CHD6: variants seen among roughly 807,000 people sequenced by gnomAD.
The protein encoded by CHD6 is ATP-dependent chromatin remodeler CHD6.
A neutral mutation model predicts 276.9 loss-of-function variants in CHD6; 50 were observed. That is an observed-to-expected ratio of 0.18 (90% CI 0.14 to 0.23). CHD6 has a LOEUF of 0.23. Among genes scored for constraint, CHD6 ranks in the 10% least tolerant of loss-of-function variants. The pLI is 1.00. For synonymous variants in CHD6, 1,173 were observed against 1,229.3 expected (o/e 0.95, Z 0.96); for missense variants, 2,564 against 3,365.8 (o/e 0.76, Z 5.89).
chr20:41,513,375 G>T (rs2044167687), intron 4 of CHD6, among the ~76,000 whole-genome samples: 1 of 152,114 alleles, frequency 6.6e-6, no homozygotes, highest in Non-Finnish European at 1.5e-5. Flanking sequence ...TCCAGCACTT[G>T]GTGGAAGCAC....
chr20:41,506,157 A>G (rs1188729568), intron 5 of CHD6, among the ~76,000 whole-genome samples: 1 of 152,148 alleles, frequency 6.6e-6, no homozygotes, highest in Non-Finnish European at 1.5e-5. Flanking sequence ...TATTCTCAAG[A>G]GTCTCCTAAT....
rs140881898 is a variant in CHD6, at chr20:41,421,717, A to G, written c.4918T>C (p.Tyr1640His). 2.5e-6 allele frequency: 4 copies of G among 1,614,072 alleles called. No homozygotes were observed. Among genetic ancestry groups the G allele is most frequent in the African/African-American group, 2.7e-5 (2 of 74,948 alleles). The change falls in exon 31 of 37, where the codon TAT becomes CAT. Residue 1640 changes from tyrosine (Y) to histidine (H), a missense_variant. Tyr to His is a moderately conservative substitution (Grantham distance 83, BLOSUM62 2). Coordinates refer to ENST00000373233, the MANE Select transcript of CHD6 (RefSeq NM_032221.5). ...CCLYQTNSKL[Y>H]ESLTYSQMSR... ...ATTTGAGAATATGTAAGAGATTCAT[A>G]TAACTTGGAGTTGGTCTGGTAAAGG...
chr20:41,491,463 G>C (rs1323933966), intron 11 of CHD6, among the ~76,000 whole-genome samples: 2 of 150,424 alleles, frequency 1.3e-5, no homozygotes. Flanking sequence ...TGGTGTGGCT[G>C]GCCAAAAAAA....
rs1049684872 is a variant in CHD6, at chr20:41,404,360, A to G, written c.*233T>C. The G allele has an allele frequency of 2.3e-5, 28 of 1,241,678 alleles. No individual in the cohort carries two copies. The Admixed American group carries it at 2.6e-4, about 12-fold the overall frequency. The allele number at this position is 1,241,678 out of a possible 1,614,324, so 76.9% of individuals were successfully genotyped here. On this transcript the variant is annotated 3_prime_UTR_variant, in exon 37 of 37. Coordinates refer to ENST00000373233, the MANE Select transcript of CHD6 (RefSeq NM_032221.5). ...AACTATGATTGCTGGAATGAACTGGATAACAGAATGAGAATTCTGTGCCTC... is the reference window on the plus strand; with the variant it reads ...AACTATGATTGCTGGAATGAACTGGGTAACAGAATGAGAATTCTGTGCCTC...
chr20:41,569,174 T>G (rs79122751), intron 1 of CHD6, among the ~76,000 whole-genome samples: 5 of 152,074 alleles, frequency 3.3e-5, no homozygotes, highest in African/African-American at 1.2e-4. Context: ...TGGCTAGCAA[T>G]AGGATCCTCC....
At chr20:41,453,589 C>T (rs2048305561) in intron 20 of CHD6, among the ~76,000 whole-genome samples, 1 of 152,144 alleles carries the variant, frequency 6.6e-6, no homozygotes, top group African/African-American at 2.4e-5. Context: ...GACTACTCCT[C>T]CACACAGCCC....
intron 1 of CHD6, among the ~76,000 whole-genome samples, chr20:41,556,267 C>T (rs1221993300): frequency 6.1e-5 from 9 of 147,644 alleles, no homozygotes; most frequent in South Asian, 2.2e-4. Context: ...AGAGGGAGAC[C>T]GTGGGGAGAC....
chr20:41,433,577 C>A (rs1461707847), intron 27 of CHD6, among the ~76,000 whole-genome samples: 3 of 152,058 alleles, frequency 2.0e-5, no homozygotes, highest in African/African-American at 7.2e-5. Context: ...AACCGTCTGA[C>A]AGTTCTCTAG....
intron 31 of CHD6, among the ~76,000 whole-genome samples, chr20:41,418,911 A>G (rs556829396): frequency 6.6e-6 from 1 of 152,352 alleles, no homozygotes; most frequent in African/African-American, 2.4e-5. Flanking sequence ...TGACGCTGCC[A>G]TCAAAGGACA....
intron 5 of CHD6, among the ~76,000 whole-genome samples, chr20:41,509,034 T>C (rs990161310): frequency 2.0e-5 from 3 of 152,292 alleles, no homozygotes; most frequent in Admixed American, 1.3e-4. Context: ...GTTCTACCTA[T>C]GCTAAGCAAA....
chr20:41,475,782 T>A (rs978130405), intron 16 of CHD6, among the ~76,000 whole-genome samples: 1 of 152,020 alleles, frequency 6.6e-6, no homozygotes, highest in Non-Finnish European at 1.5e-5. Flanking sequence ...TAGATCAGAG[T>A]GAGGCTGGGA....
At chr20:41,512,789 C>T in intron 5 of CHD6, 57 bp downstream of exon 5, 1 of 1,598,974 alleles carries the variant, frequency 6.3e-7, no homozygotes, top group South Asian at 1.1e-5. Context: ...ACACGTCTGT[C>T]ATCTAGGTCA....
chr20:41,500,378 A>C (rs1318073485), intron 5 of CHD6, among the ~76,000 whole-genome samples: 2 of 152,176 alleles, frequency 1.3e-5, no homozygotes, highest in Admixed American at 6.5e-5. Context: ...GGGTTAAAAG[A>C]AATGAGGAAG....
At chr20:41,477,342 C>T (rs879508842) in intron 16 of CHD6, among the ~76,000 whole-genome samples, 2 of 152,070 alleles carry the variant, frequency 1.3e-5, no homozygotes, top group African/African-American at 4.8e-5. Context: ...AAAGGCTAGA[C>T]ATTTATCCAG....
In CHD6 at chr20:41,455,991, A is replaced by AC; in HGVS notation, c.2830-13dup. 2.0e-6 allele frequency: 3 copies of AC among 1,500,848 alleles called. No individual in the cohort carries two copies. The highest frequency in any genetic ancestry group is 2.7e-6 in the Non-Finnish European group (3 of 1,124,980). The allele number at this position is 1,500,848 out of a possible 1,614,324, so 93.0% of individuals were successfully genotyped here. A position where few individuals can be genotyped will look rare whatever the true frequency, so the allele number is the denominator to read the frequency against. ...GAGAGCTGCTGTACCTGGACAGGTCACCAAAGGCTACTCACAAAGTGGAAA... is the reference window on the plus strand; with the variant it reads ...GAGAGCTGCTGTACCTGGACAGGTCACCCAAAGGCTACTCACAAAGTGGAAA... On this transcript the variant is annotated splice_polypyrimidine_tract_variant and intron_variant, in intron 18 of 36. Transcript: ENST00000373233.
intron 1 of CHD6, among the ~76,000 whole-genome samples, chr20:41,599,542 C>T (rs2045752953): frequency 6.6e-6 from 1 of 152,034 alleles, no homozygotes; most frequent in Non-Finnish European, 1.5e-5. Context: ...ACAGCCCCCA[C>T]CAAAACCCCT....
At chr20:41,618,311 G>C (rs1326343252) in intron 1 of CHD6, 29 bp downstream of exon 1, 4 of 152,056 alleles carry the variant, frequency 2.6e-5, no homozygotes, top group Non-Finnish European at 5.9e-5. Context: ...GGCCAGGGAG[G>C]AAAATAAAAA....
intron 1 of CHD6, among the ~76,000 whole-genome samples, chr20:41,605,092 T>G (rs1022840223): frequency 5.3e-5 from 8 of 152,154 alleles, no homozygotes; most frequent in African/African-American, 1.9e-4. Flanking sequence ...TATTTATGGG[T>G]GAAGCATTAC....
intron 5 of CHD6, among the ~76,000 whole-genome samples, chr20:41,502,588 T>C (rs924755693): frequency 1.3e-5 from 2 of 152,372 alleles, no homozygotes; most frequent in Non-Finnish European, 2.9e-5. Flanking sequence ...TTAGTTCTTT[T>C]TCATGACTGT....
Sources: gnomAD v4.1 joint callset for allele counts (sites outside exome capture counted in the v4.1 genomes callset) on GRCh38, gnomAD v4.1.1 for gene constraint, MANE v1.5 for transcripts, NCBI Gene and HGNC (gene_info 2026-07-23, HGNC 2026-07-21) for gene names.